The following CNTN5 variants were observed in gnomAD, a reference collection of about 807,000 sequenced individuals.
CNTN5 encodes contactin-5.
A neutral mutation model predicts 129.1 loss-of-function variants in CNTN5; 77 were observed. That is an observed-to-expected ratio of 0.60 (90% CI 0.50 to 0.72). The LOEUF is 0.72. Ranked by LOEUF, CNTN5 falls within the 30% of genes least tolerant of loss-of-function variation. CNTN5 has a pLI of 0.00. For synonymous variants in CNTN5, 509 were observed against 465.6 expected, an observed-to-expected ratio of 1.09 and a Z score of -1.20; for missense variants, 1,478 against 1,328.8, an observed-to-expected ratio of 1.11 and a Z score of -1.75.
chr11:99,231,372 G>T (rs1447726877), intron 1 of CNTN5, among the ~76,000 whole-genome samples: 13 of 151,982 alleles, frequency 8.6e-5, no homozygotes, highest in African/African-American at 3.1e-4. Context: ...CTCATTCTGG[G>T]TTTGATTTGC....
intron 8 of CNTN5, among the ~76,000 whole-genome samples, chr11:99,968,656 C>CTTTTTTTTTTTT (rs71050037): frequency 5.4e-5 from 4 of 73,908 alleles, no homozygotes; most frequent in Non-Finnish European, 9.9e-5. Context: ...GCTTTGGGTA[C>CTTTTTTTTTTTT]TTTTTTTTTT....
intron 1 of CNTN5, among the ~76,000 whole-genome samples, chr11:99,304,584 A>T (rs1014790683): frequency 6.6e-6 from 1 of 152,166 alleles, no homozygotes; most frequent in African/African-American, 2.4e-5. Context: ...ACAAATCTGG[A>T]TGCAGTTCAC....
intron 1 of CNTN5, among the ~76,000 whole-genome samples, chr11:99,288,491 C>T (rs1864036208): frequency 6.6e-6 from 1 of 151,870 alleles, no homozygotes; most frequent in African/African-American, 2.4e-5. Flanking sequence ...TCATCTTGAG[C>T]TGTCCAATGA....
At chr11:99,504,594 C>A (rs572011146) in intron 2 of CNTN5, among the ~76,000 whole-genome samples, 2 of 150,150 alleles carry the variant, frequency 1.3e-5, no homozygotes, top group East Asian at 2.0e-4. Context: ...GACACACTAA[C>A]AATTCAGTTG....
At chr11:99,694,062 C>T (rs183163859) in intron 3 of CNTN5, among the ~76,000 whole-genome samples, 34 of 151,422 alleles carry the variant, frequency 2.2e-4, no homozygotes, top group Non-Finnish European at 3.7e-4. Flanking sequence ...ATAATGTTGC[C>T]GAGAACCATA....
intron 8 of CNTN5, among the ~76,000 whole-genome samples, chr11:99,970,837 G>C (rs1221562777): frequency 6.6e-6 from 1 of 152,094 alleles, no homozygotes; most frequent in Non-Finnish European, 1.5e-5. Context: ...GGTAACATTG[G>C]GAGGAGCTTT....
intron 1 of CNTN5, among the ~76,000 whole-genome samples, chr11:99,216,195 A>T (rs535945503): frequency 1.3e-5 from 2 of 152,144 alleles, no homozygotes; most frequent in African/African-American, 4.8e-5. Context: ...CCTACTCTCT[A>T]TCTTCATAAG....
At chr11:99,352,106 C>T (rs145680419) in intron 2 of CNTN5, among the ~76,000 whole-genome samples, 29 of 152,266 alleles carry the variant, frequency 1.9e-4, no homozygotes, top group East Asian at 1.9e-4. Context: ...TAGAAAGTTT[C>T]GAATTCTTCA....
At chr11:99,351,204 G>C (rs183681327) in intron 2 of CNTN5, among the ~76,000 whole-genome samples, 3 of 152,290 alleles carry the variant, frequency 2.0e-5, no homozygotes, top group Non-Finnish European at 4.4e-5. Context: ...TGTTATACTA[G>C]TAATTATTGA....
chr11:99,543,458 A>G (rs557541292), intron 2 of CNTN5, among the ~76,000 whole-genome samples: 2 of 152,314 alleles, frequency 1.3e-5, no homozygotes, highest in Admixed American at 1.3e-4. Context: ...CACTTCTGAT[A>G]TCAAATTCAG....
intron 15 of CNTN5, among the ~76,000 whole-genome samples, chr11:100,202,764 T>A (rs2138556701): frequency 6.6e-6 from 1 of 152,038 alleles, no homozygotes; most frequent in East Asian, 1.9e-4. Flanking sequence ...TCAGCCAAGT[T>A]ATATATAAAT....
rs1427307700 is a variant in CNTN5 at position 100,297,647 on chromosome 11, T to C, written c.2337T>C (p.Asn779=). Residue 779 remains asparagine (N), a synonymous_variant, in exon 19 of 25, where the codon AAT becomes AAC. Coordinates refer to ENST00000524871, the MANE Select transcript of CNTN5 (RefSeq NM_014361.4). ...CAGTTCCGAAGACAGCACCCACCAA[T>C]GTAAGCGGAAGAAGTGGAAGAAGGC... The part of the protein sequence containing the change: ...NEAVPKTAPT[N]VSGRSGRRHE... 6.8e-6 allele frequency: 11 copies of C among 1,606,494 alleles called. No homozygotes were observed. The highest frequency in any genetic ancestry group is 9.4e-6 in the Non-Finnish European group (11 of 1,175,624).
At chr11:100,159,551 A>G (rs1591333560) in intron 13 of CNTN5, among the ~76,000 whole-genome samples, 2 of 151,962 alleles carry the variant, frequency 1.3e-5, no homozygotes, top group East Asian at 3.9e-4. Flanking sequence ...CAGAGCTTGT[A>G]TTTAGAGTTT....
At chr11:99,245,340 A>C (rs2135772551) in intron 1 of CNTN5, among the ~76,000 whole-genome samples, 1 of 152,244 alleles carries the variant, frequency 6.6e-6, no homozygotes, top group Admixed American at 6.5e-5. Context: ...TTCTTGAGAC[A>C]AAGTTTCACT....
At chr11:99,962,353 T>C (rs936154895) in intron 8 of CNTN5, among the ~76,000 whole-genome samples, 1 of 136,902 alleles carries the variant, frequency 7.3e-6, no homozygotes, top group African/African-American at 2.7e-5. Context: ...TACCCCGTCC[T>C]GTGTCCATGT....
At chr11:99,350,509 A>G (rs995778809) in intron 2 of CNTN5, among the ~76,000 whole-genome samples, 1 of 152,176 alleles carries the variant, frequency 6.6e-6, no homozygotes, top group Non-Finnish European at 1.5e-5. Flanking sequence ...GTGTACGAGA[A>G]TAACCAAAGA....
At chr11:99,781,701 G>C (rs146952126) in intron 3 of CNTN5, among the ~76,000 whole-genome samples, 148 of 152,186 alleles carry the variant, frequency 9.7e-4, no homozygotes, top group African/African-American at 3.5e-3. Context: ...AAGCATTCAA[G>C]AACGTTCCAT....
At chr11:99,807,881 A>G (rs1008269056) in intron 3 of CNTN5, among the ~76,000 whole-genome samples, 1 of 152,098 alleles carries the variant, frequency 6.6e-6, no homozygotes, top group Non-Finnish European at 1.5e-5. Context: ...TAGTGCGCAT[A>G]TATTTGTTTA....
intron 17 of CNTN5, among the ~76,000 whole-genome samples, chr11:100,260,364 G>A (rs1450860978): frequency 6.6e-6 from 1 of 152,166 alleles, no homozygotes; most frequent in African/African-American, 2.4e-5. Flanking sequence ...TCTACCAGAG[G>A]TACAAAGAGG....
Sources: gnomAD v4.1 joint callset for allele counts (sites outside exome capture counted in the v4.1 genomes callset) on GRCh38, gnomAD v4.1.1 for gene constraint, MANE v1.5 for transcripts, NCBI Gene and HGNC (gene_info 2026-07-23, HGNC 2026-07-21) for gene names.